Variants in NFAM1 observed in about 807,000 individuals in gnomAD.
NFAM1 encodes the protein NFAT activation molecule 1.
In NFAM1, 17 loss-of-function variants were observed where a neutral mutation model predicts 29.0. The observed-to-expected ratio is 0.59, with a 90% CI of 0.40 to 0.88. The LOEUF (loss-of-function observed/expected upper bound fraction) is 0.88. Among genes scored for constraint, NFAM1 ranks in the 40% least tolerant of loss-of-function variants. NFAM1 has a pLI of 0.00. For synonymous variants in NFAM1, 175 were observed against 147.2 expected (o/e 1.19, Z -1.36); for missense variants, 324 against 344.6 (o/e 0.94, Z 0.47).
intron 1 of NFAM1, among the ~76,000 whole-genome samples, chr22:42,418,085 A>G (rs1930320373): frequency 6.6e-6 from 1 of 152,104 alleles, no homozygotes; most frequent in South Asian, 2.1e-4. Context: ...TCCCTCCCAC[A>G]CTGTGAGGAA....
At chr22:42,398,506 G>T (rs1023787405) in intron 3 of NFAM1, among the ~76,000 whole-genome samples, 1 of 151,610 alleles carries the variant, frequency 6.6e-6, no homozygotes, top group South Asian at 2.1e-4. Flanking sequence ...TCTGCCTCCC[G>T]GGTTCAAGCG....
At chr22:42,394,399 T>A (rs1403098016) in intron 4 of NFAM1, among the ~76,000 whole-genome samples, 2 of 151,936 alleles carry the variant, frequency 1.3e-5, no homozygotes, top group Non-Finnish European at 2.9e-5. Flanking sequence ...CTTGCTATGT[T>A]GCCAAGACTG....
At chr22:42,397,988 G>A (rs773550233) in intron 3 of NFAM1, 32 bp from the exon 4 acceptor site, 2 of 1,252,822 alleles carry the variant, frequency 1.6e-6, no homozygotes, top group African/African-American at 3.0e-5. Flanking sequence ...GGCCAGGGAT[G>A]AGTGGCTCTC....
At chr22:42,434,036 C>T (rs536948834), upstream of NFAM1, among the ~76,000 whole-genome samples, 14 of 152,246 alleles carry the variant, frequency 9.2e-5, no homozygotes, top group Admixed American at 2.6e-4. Context: ...GCCCTGGTGC[C>T]GCCTCCGCTC....
chr22:42,411,334 G>C (rs1930080462), intron 2 of NFAM1, 73 bp downstream of exon 2: 1 of 1,225,066 alleles, frequency 8.2e-7, no homozygotes, highest in Non-Finnish European at 1.2e-6. Context: ...CTCTATTTCC[G>C]ATCCAAAGTC....
chr22:42,410,866 G>A (rs1930059102), intron 2 of NFAM1, among the ~76,000 whole-genome samples: 2 of 152,070 alleles, frequency 1.3e-5, no homozygotes, highest in African/African-American at 2.4e-5. Context: ...ACCTGCCAGC[G>A]GCGTTCAGGA....
intron 4 of NFAM1, among the ~76,000 whole-genome samples, chr22:42,394,162 A>C (rs1189716236): frequency 6.6e-6 from 1 of 152,052 alleles, no homozygotes; most frequent in Non-Finnish European, 1.5e-5. Flanking sequence ...CAGCCTCCCG[A>C]GTAGCTGGGA....
intron 3 of NFAM1, among the ~76,000 whole-genome samples, chr22:42,402,656 C>T (rs995826941): frequency 3.5e-5 from 5 of 143,330 alleles, no homozygotes; most frequent in African/African-American, 1.3e-4. Flanking sequence ...AGGATGAGGA[C>T]GGGCCAGCCG....
chr22:42,424,399 A>G (rs1192617693), intron 1 of NFAM1, among the ~76,000 whole-genome samples: 1 of 151,348 alleles, frequency 6.6e-6, no homozygotes, highest in Non-Finnish European at 1.5e-5. Flanking sequence ...TAGGGGATAG[A>G]GCGAGACTCC....
chr22:42,398,937 C>T (rs953189524), intron 3 of NFAM1, among the ~76,000 whole-genome samples: 1 of 152,150 alleles, frequency 6.6e-6, no homozygotes, highest in African/African-American at 2.4e-5. Flanking sequence ...GAGGATGAAC[C>T]AGTGGTTTTG....
chr22:42,431,928 C>T (rs1930815736), intron 1 of NFAM1, among the ~76,000 whole-genome samples: 8 of 152,194 alleles, frequency 5.3e-5, no homozygotes, highest in Admixed American at 2.0e-4. Context: ...TGCCCCGCCC[C>T]TGGCCCCAGC....
At chr22:42,417,903 G>A (rs1028104180) in intron 1 of NFAM1, among the ~76,000 whole-genome samples, 13 of 152,186 alleles carry the variant, frequency 8.5e-5, no homozygotes, top group Admixed American at 8.5e-4. Context: ...TTTGTTTTGA[G>A]TCTTCAACTC....
At chr22:42,432,937 C>T (rs1465351422), upstream of NFAM1, among the ~76,000 whole-genome samples, 2 of 152,068 alleles carry the variant, frequency 1.3e-5, no homozygotes, top group African/African-American at 4.8e-5. Context: ...ATCATTCACC[C>T]AGCGAGAACC....
At position 42,383,882 on chromosome 22, in the gene NFAM1, G is replaced by A. The variant is rs1424425001; in HGVS notation, c.*1279C>T. On this transcript the variant is annotated 3_prime_UTR_variant, in exon 6 of 6. Coordinates refer to ENST00000329021, the MANE Select transcript of NFAM1 (RefSeq NM_145912.8). Reference sequence around the variant, plus strand: ...TGGGGGAGCAGAGGGAGGAAGCAGAGCCCAACAGCCCGGGGCACCCGGACC... The same window carrying A: ...TGGGGGAGCAGAGGGAGGAAGCAGAACCCAACAGCCCGGGGCACCCGGACC... 6.5e-6 allele frequency: 1 copy of A among 152,852 alleles called. No individual in the cohort carries two copies. Among genetic ancestry groups the A allele is most frequent in the Non-Finnish European group, 1.5e-5 (1 of 68,198 alleles). 9.5% of individuals were successfully genotyped at this position (152,852 alleles called of 1,614,324 possible).
upstream of NFAM1, among the ~76,000 whole-genome samples, chr22:42,435,912 C>T (rs753495159): frequency 3.9e-4 from 58 of 149,406 alleles, no homozygotes; most frequent in Non-Finnish European, 4.6e-4. Context: ...CTCTGCCTTG[C>T]GGGTTCAAGT....
chr22:42,411,834 A>G (rs1930106053), intron 1 of NFAM1, 98 bp from the exon 2 acceptor site: 1 of 783,134 alleles, frequency 1.3e-6, no homozygotes, highest in African/African-American at 1.7e-5. Flanking sequence ...GCGGTGGCTC[A>G]CACCTGTAAT....
chr22:42,433,823 C>T (rs1013178537), upstream of NFAM1, among the ~76,000 whole-genome samples: 1 of 152,214 alleles, frequency 6.6e-6, no homozygotes, highest in Non-Finnish European at 1.5e-5. Flanking sequence ...AGACCCGCTG[C>T]TTCACGCTAT....
intron 1 of NFAM1, among the ~76,000 whole-genome samples, chr22:42,417,438 G>C (rs965242098): frequency 6.6e-6 from 1 of 152,222 alleles, no homozygotes; most frequent in African/African-American, 2.4e-5. Context: ...GCTGGAACAG[G>C]TCCTGGGGCG....
intron 1 of NFAM1, among the ~76,000 whole-genome samples, chr22:42,417,889 G>A (rs1316568440): frequency 1.3e-5 from 2 of 152,182 alleles, no homozygotes; most frequent in Admixed American, 1.3e-4. Flanking sequence ...CCCGGGCTTG[G>A]CTGTTTGTTT....
Sources: gnomAD v4.1 joint callset for allele counts (sites outside exome capture counted in the v4.1 genomes callset) on GRCh38, gnomAD v4.1.1 for gene constraint, MANE v1.5 for transcripts, NCBI Gene and HGNC (gene_info 2026-07-23, HGNC 2026-07-21) for gene names.